POC1A: variants seen among roughly 807,000 people sequenced by gnomAD.
POC1A encodes POC1 centriolar protein A, also known as POC1 centriolar protein homolog A.
Under a neutral mutation model 47.8 loss-of-function variants are expected in POC1A, and 34 were observed. The observed-to-expected ratio is 0.71, with a 90% CI of 0.54 to 0.95. The LOEUF (loss-of-function observed/expected upper bound fraction) is 0.95, where lower values mean the gene tolerates loss of function less well. POC1A is among the 40% of genes least tolerant of loss of function. The probability of loss-of-function intolerance (pLI) is 0.00; values close to 1 mark genes in which losing one functional copy is unlikely to be tolerated. For missense variants in POC1A, 466 were observed against 528.3 expected (o/e 0.88, Z 1.16); for synonymous variants, 177 against 207.6 (o/e 0.85, Z 1.27).
At chr3:52,129,538 C>T (rs576350215) in intron 7 of POC1A, among the ~76,000 whole-genome samples, 156 of 152,320 alleles carry the variant, frequency 1.0e-3, no homozygotes, top group Middle Eastern at 0.01. Context: ...CTCTGAGCAG[C>T]GGCTCCTGGC....
At position 52,096,597 on chromosome 3, in the gene POC1A, A is replaced by G; in HGVS notation, c.1097T>C (p.Ile366Thr). ...AGTGAGGACATCCAGCTGGCCCACA[A>G]TGTGCTCCAGCGTGCTAGTCAGTGT... ...PQTLTSTLEH[I>T]VGQLDVLTQT... is the part of the protein sequence containing the mutation. Residue 366 changes from isoleucine to threonine, a missense_variant, in exon 10 of 11, where the codon ATT becomes ACT. Coordinates refer to ENST00000296484, the MANE Select transcript of POC1A (RefSeq NM_015426.5). The G allele has an allele frequency of 6.3e-7, 1 of 1,598,014 alleles. No individual in the cohort carries two copies. The highest frequency in any genetic ancestry group is 8.5e-7 in the Non-Finnish European group (1 of 1,172,882).
chr3:52,137,861 C>T (rs1456668657), intron 7 of POC1A, among the ~76,000 whole-genome samples: 1 of 152,206 alleles, frequency 6.6e-6, no homozygotes, highest in East Asian at 1.9e-4. Flanking sequence ...TTCCAAGGCT[C>T]AACTCAACCT....
At chr3:52,096,768 T>A in intron 9 of POC1A, 56 bp from the exon 10 acceptor site, 2 of 1,432,798 alleles carry the variant, frequency 1.4e-6, no homozygotes, top group East Asian at 2.5e-5. Context: ...AGAAATACTG[T>A]GAGAGGAATA....
rs1011595365 is a variant in POC1A, at chr3:52,081,209, G to A, written c.1126-5224C>T. On this transcript the variant is annotated intron_variant, in intron 10 of 10. Coordinates refer to ENST00000296484, the MANE Select transcript of POC1A (RefSeq NM_015426.5). ...GCCGGCTGCCCCTTTGTGTAAATAAGGTTTTATGGACACGCCTGCTGGCTT... is the reference window on the plus strand; with the variant it reads ...GCCGGCTGCCCCTTTGTGTAAATAAAGTTTTATGGACACGCCTGCTGGCTT... Among the ~76,000 whole-genome samples the A allele has an allele frequency of 2.6e-5, 4 of 152,192 alleles. No homozygotes were observed. In the South Asian group the frequency reaches 6.2e-4, roughly 24 times the overall value.
At chr3:52,137,508 G>A (rs1704519780) in intron 7 of POC1A, among the ~76,000 whole-genome samples, 1 of 152,152 alleles carries the variant, frequency 6.6e-6, no homozygotes, top group South Asian at 2.1e-4. Flanking sequence ...CTGATCAGGA[G>A]GGCTCGGACA....
chr3:52,139,429 C>T (rs1223033143), intron 6 of POC1A, among the ~76,000 whole-genome samples: 2 of 152,196 alleles, frequency 1.3e-5, no homozygotes, highest in East Asian at 1.9e-4. Flanking sequence ...GCCGGCCACC[C>T]CAGCTCTGTC....
intron 10 of POC1A, among the ~76,000 whole-genome samples, chr3:52,082,115 C>T (rs781371982): frequency 6.6e-6 from 1 of 151,704 alleles, no homozygotes; most frequent in Non-Finnish European, 1.5e-5. Context: ...AGCAGAGTTG[C>T]ACTGCATTTT....
intron 5 of POC1A, among the ~76,000 whole-genome samples, 178 bp downstream of exon 5, chr3:52,146,810 A>C (rs2107193314): frequency 1.3e-5 from 2 of 152,356 alleles, no homozygotes; most frequent in Middle Eastern, 6.8e-3. Flanking sequence ...CCATCCACAC[A>C]GCAAAAGATA....
intron 3 of POC1A, 38 bp downstream of exon 3, chr3:52,149,778 C>A: frequency 6.3e-7 from 1 of 1,590,858 alleles, no homozygotes; most frequent in African/African-American, 1.3e-5. Flanking sequence ...CACCAGGGCC[C>A]CAGACTCCAA....
chr3:52,081,503 C>T (rs181894525), intron 10 of POC1A, among the ~76,000 whole-genome samples: 89 of 151,744 alleles, frequency 5.9e-4, no homozygotes, highest in African/African-American at 1.9e-3. Flanking sequence ...ACTGCTGGGA[C>T]GGAGGGGCAA....
At chr3:52,108,861 C>G (rs1703280644) in intron 9 of POC1A, among the ~76,000 whole-genome samples, 1 of 152,224 alleles carries the variant, frequency 6.6e-6, no homozygotes, top group Admixed American at 6.5e-5. Flanking sequence ...GTCTTCCCTT[C>G]CCTCCCCCTG....
At chr3:52,119,596 G>C (rs1703694918) in intron 9 of POC1A, among the ~76,000 whole-genome samples, 1 of 152,046 alleles carries the variant, frequency 6.6e-6, no homozygotes, top group Non-Finnish European at 1.5e-5. Flanking sequence ...AGATCTTGCT[G>C]TGTTGACCAG....
chr3:52,133,877 C>G (rs1458332691), intron 7 of POC1A, among the ~76,000 whole-genome samples: 1 of 152,238 alleles, frequency 6.6e-6, no homozygotes, highest in Non-Finnish European at 1.5e-5. Flanking sequence ...CTGCTGCTCA[C>G]CCCCAGCCTG....
intron 5 of POC1A, among the ~76,000 whole-genome samples, chr3:52,146,515 T>C (rs1698368875): frequency 6.6e-6 from 1 of 152,216 alleles, no homozygotes; most frequent in South Asian, 2.1e-4. Context: ...TACTCAAATG[T>C]AGGCACCTCT....
intron 9 of POC1A, among the ~76,000 whole-genome samples, chr3:52,099,653 C>T (rs1702931032): frequency 6.6e-6 from 1 of 152,158 alleles, no homozygotes; most frequent in Non-Finnish European, 1.5e-5. Flanking sequence ...GAGTTCAAGA[C>T]AAGCCTGGCC....
chr3:52,135,917 G>C lies in POC1A; in HGVS notation c.813+2252C>G, dbSNP rs540984406. Among the ~76,000 whole-genome samples the C allele has an allele frequency of 5.3e-3, 811 of 152,302 alleles. 11 individuals carry two copies. The highest frequency in any genetic ancestry group is 0.027 in the South Asian group (131 of 4,828). ...CAACCCAGGCCAGCTGTAGAACCCG[G>C]TATTGACTTGCCACCACCAGTTGGA... On this transcript the variant is annotated intron_variant, in intron 7 of 10. Transcript: ENST00000296484.
chr3:52,092,057 G>C (rs150951227), intron 10 of POC1A, among the ~76,000 whole-genome samples: 1 of 152,316 alleles, frequency 6.6e-6, no homozygotes, highest in Non-Finnish European at 1.5e-5. Context: ...GATGTGTAAA[G>C]CTGAACAAAC....
chr3:52,131,821 G>C (rs1245119750), intron 7 of POC1A, among the ~76,000 whole-genome samples: 1 of 151,698 alleles, frequency 6.6e-6, no homozygotes, highest in African/African-American at 2.4e-5. Context: ...ATGAACCCCT[G>C]AGAGATTCCG....
chr3:52,081,041 C>T (rs753007996), intron 10 of POC1A, among the ~76,000 whole-genome samples: 1 of 152,230 alleles, frequency 6.6e-6, no homozygotes, highest in Non-Finnish European at 1.5e-5. Flanking sequence ...CCTGGGGGCT[C>T]ATTTCTGAAC....
Sources: allele counts gnomAD v4.1 joint callset (sites outside exome capture counted in the v4.1 genomes callset), GRCh38; gene constraint gnomAD v4.1.1; transcripts MANE v1.5; gene names NCBI Gene and HGNC (gene_info 2026-07-23, HGNC 2026-07-21).